NAA35: variants seen among roughly 807,000 people sequenced by gnomAD.
NAA35 encodes MAK10 homolog, amino-acid N-acetyltransferase subunit.
NAA35 carries 18 observed loss-of-function variants against 101.7 expected under a neutral mutation model. The observed-to-expected ratio is 0.18, with a 90% CI of 0.12 to 0.26. The LOEUF is 0.26. NAA35 is among the 10% of genes least tolerant of loss of function. The pLI, the probability that NAA35 is intolerant of heterozygous loss-of-function variation, is 1.00. For synonymous variants in NAA35, 267 were observed against 273.1 expected (o/e 0.98, Z 0.22); for missense variants, 601 against 886.8 (o/e 0.68, Z 4.09).
intron 12 of NAA35, among the ~76,000 whole-genome samples, chr9:85,996,914 T>C (rs1225717402): frequency 6.6e-6 from 1 of 152,160 alleles, no homozygotes; most frequent in East Asian, 1.9e-4. Context: ...TACAGTGGTG[T>C]GATCTTGGCT....
intron 2 of NAA35, among the ~76,000 whole-genome samples, chr9:85,950,524 G>T (rs775241727): frequency 6.6e-5 from 10 of 152,174 alleles, no homozygotes; most frequent in Non-Finnish European, 1.5e-4. Flanking sequence ...GATTACAGGT[G>T]TGAGCCACTG....
chr9:85,954,584 A>G (rs1829155875), intron 2 of NAA35, among the ~76,000 whole-genome samples: 1 of 152,190 alleles, frequency 6.6e-6, no homozygotes, highest in South Asian at 2.1e-4. Flanking sequence ...TTCCTAATGA[A>G]TAGTGATCAT....
At position 86,021,886 on chromosome 9, in the gene NAA35, G is replaced by A. The variant is rs767943539; in HGVS notation, c.2119-15G>A. On this transcript the variant is annotated splice_polypyrimidine_tract_variant and intron_variant, in intron 22 of 22. Transcript: ENST00000361671. ...TTTGTAGATACATTAATTGAGTTTCGTTTTTCTTTAACAGGTTCCTCCTGA... is the reference window on the plus strand; with the variant it reads ...TTTGTAGATACATTAATTGAGTTTCATTTTTCTTTAACAGGTTCCTCCTGA... The A allele has an allele frequency of 2.0e-5, 32 of 1,604,604 alleles. No homozygotes were observed. Among genetic ancestry groups the A allele is most frequent in the South Asian group, 6.6e-5 (6 of 90,590 alleles).
In NAA35 at chr9:85,979,138, C is replaced by T. The variant is rs544772513; in HGVS notation, c.877+757C>T. On this transcript the variant is annotated intron_variant, in intron 11 of 22. Transcript: ENST00000361671. Reference sequence around the variant, plus strand: ...CATAAATTTAATTTCCTTGGCAAGGCCATTTTTACTTTCTGCAGAAAGGGT... The same window carrying T: ...CATAAATTTAATTTCCTTGGCAAGGTCATTTTTACTTTCTGCAGAAAGGGT... Among the ~76,000 whole-genome samples the T allele has an allele frequency of 4.6e-5, 7 of 152,278 alleles. No individual in the cohort carries two copies. The East Asian group carries it at 9.6e-4, about 21-fold the overall frequency.
At chr9:85,989,396 A>G (rs888796317) in intron 11 of NAA35, among the ~76,000 whole-genome samples, 1 of 152,076 alleles carries the variant, frequency 6.6e-6, no homozygotes, top group African/African-American at 2.4e-5. Context: ...GCTTGAACCC[A>G]GGAGGCAGAG....
At chr9:86,006,915 A>G (rs1831669554) in intron 13 of NAA35, among the ~76,000 whole-genome samples, 1 of 152,202 alleles carries the variant, frequency 6.6e-6, no homozygotes, top group Non-Finnish European at 1.5e-5. Flanking sequence ...ATTAAATGCA[A>G]GTTGTTTTAA....
chr9:85,961,916 T>G (rs1367151856), intron 5 of NAA35, 97 bp from the exon 6 acceptor site: 5 of 800,120 alleles, frequency 6.2e-6, no homozygotes, highest in East Asian at 5.6e-5. Flanking sequence ...TAATCTTATT[T>G]GGGTCTATGG....
chr9:85,947,559 A>G (rs951814033), intron 2 of NAA35, among the ~76,000 whole-genome samples: 1 of 152,160 alleles, frequency 6.6e-6, no homozygotes, highest in Non-Finnish European at 1.5e-5. Flanking sequence ...ATCACTTTAG[A>G]TTAGTGGTTC....
intron 12 of NAA35, among the ~76,000 whole-genome samples, chr9:85,998,194 A>G (rs1398646647): frequency 4.6e-5 from 7 of 152,266 alleles, no homozygotes; most frequent in African/African-American, 2.4e-5. Context: ...GATTACAGGC[A>G]TGAGCCACTG....
chr9:86,015,591 T>G, intron 17 of NAA35: 1 of 368,962 alleles, frequency 2.7e-6, no homozygotes, highest in Non-Finnish European at 3.8e-6. Flanking sequence ...CATTTCTAAC[T>G]GGTTCTCAGG....
intron 2 of NAA35, among the ~76,000 whole-genome samples, chr9:85,946,046 C>T (rs1468643475): frequency 6.6e-6 from 1 of 151,838 alleles, no homozygotes; most frequent in African/African-American, 2.4e-5. Context: ...TATAATTTAG[C>T]CATTACTGTT....
intron 11 of NAA35, among the ~76,000 whole-genome samples, chr9:85,992,888 C>G (rs1830978481): frequency 6.6e-6 from 1 of 152,114 alleles, no homozygotes; most frequent in African/African-American, 2.4e-5. Flanking sequence ...GAATAACACT[C>G]TAAACATACT....
At chr9:85,995,325 A>G (rs146762585) in intron 11 of NAA35, among the ~76,000 whole-genome samples, 3,043 of 150,570 alleles carry the variant, frequency 0.02, 56 homozygotes, top group Middle Eastern at 0.052. Context: ...ATTTATTTAA[A>G]ATAAAAAATT....
At chr9:85,968,461 C>T (rs565075814) in intron 6 of NAA35, among the ~76,000 whole-genome samples, 3 of 152,236 alleles carry the variant, frequency 2.0e-5, no homozygotes, top group African/African-American at 7.2e-5. Flanking sequence ...CTGCCCACCT[C>T]GGGCCTCTCA....
chr9:86,007,566 A>G, intron 14 of NAA35, 102 bp downstream of exon 14: 1 of 765,276 alleles, frequency 1.3e-6, no homozygotes, highest in East Asian at 2.6e-5. Flanking sequence ...AATTGGGACC[A>G]AATCTCCATG....
chr9:85,996,722 CTT>C (rs1564315061), intron 12 of NAA35, 145 bp downstream of exon 12: 1 of 550,650 alleles, frequency 1.8e-6, no homozygotes, highest in East Asian at 3.4e-5. Flanking sequence ...AAATACTACT[CTT>C]TGTCTATTTT....
intron 16 of NAA35, 66 bp from the exon 17 acceptor site, chr9:86,013,653 T>C: frequency 1.4e-6 from 2 of 1,449,830 alleles, no homozygotes; most frequent in Non-Finnish European, 1.9e-6. Context: ...TGTACGTTTT[T>C]TTAAAGTTCT....
At chr9:85,978,904 C>A (rs1830322359) in intron 11 of NAA35, among the ~76,000 whole-genome samples, 1 of 152,098 alleles carries the variant, frequency 6.6e-6, no homozygotes, top group African/African-American at 2.4e-5. Context: ...TTGGCCTACA[C>A]CAGGAATAAG....
chr9:85,941,497 C>G, intron 1 of NAA35: 2 of 985,522 alleles, frequency 2.0e-6, no homozygotes, highest in Non-Finnish European at 2.4e-6. Flanking sequence ...CCGGACGTGC[C>G]CGCCCTCCCG....
Sources: gnomAD v4.1 joint callset for allele counts (sites outside exome capture counted in the v4.1 genomes callset) on GRCh38, gnomAD v4.1.1 for gene constraint, MANE v1.5 for transcripts, NCBI Gene and HGNC (gene_info 2026-07-23, HGNC 2026-07-21) for gene names.